The following POU3F3 variants were observed in gnomAD, a reference collection of about 807,000 sequenced individuals.
The protein encoded by POU3F3 is POU class 3 homeobox 3.
POU3F3 carries 1 observed loss-of-function variant against 8.6 expected under a neutral mutation model. The observed-to-expected ratio is 0.12, with a 90% CI of 0.04 to 0.55. The LOEUF is 0.55. Ranked by LOEUF, POU3F3 falls within the 20% of genes least tolerant of loss-of-function variation. POU3F3 has a pLI of 0.91. For missense variants in POU3F3, 577 were observed against 690.7 expected, an observed-to-expected ratio of 0.84 and a Z score of 1.84; for synonymous variants, 418 against 327.4, an observed-to-expected ratio of 1.28 and a Z score of -2.99.
At chr2:104,888,757 T>C in the POU3F3 span, among the ~76,000 whole-genome samples, 33 of 152,200 alleles carry the variant, frequency 2.2e-4, no homozygotes, top group African/African-American at 7.5e-4. Context: ...AGTAACCAAT[T>C]TGGGGTTTGT....
Position 104,855,583 on chromosome 2 carries a change from G to A in POU3F3, c.73G>A (p.Asp25Asn). The change falls in exon 1 of 1, where the codon GAC (aspartate) becomes AAC (asparagine). Residue 25 changes from aspartate (D) to asparagine (N), a missense_variant. This residue lies in a region of POU3F3 where 484 missense variants were observed against 422.6 expected (regional missense o/e 1.15). Coordinates refer to ENST00000361360, the MANE Select transcript of POU3F3 (RefSeq NM_006236.3). ...LLAAGSIVHS[D>N]AAGAGGGGGG... The stretch of plus-strand genomic sequence containing the variant: ...CGCGGCCGGCTCTATTGTGCACTCG[G>A]ACGCGGCAGGGGCTGGCGGCGGCGG... 1 of 1,003,906 alleles carries A rather than the reference G, an allele frequency of 1.0e-6. No homozygotes were observed. Among genetic ancestry groups the A allele is most frequent in the Non-Finnish European group, 1.2e-6 (1 of 843,234 alleles). The allele number at this position is 1,003,906 out of a possible 1,614,324, so 62.2% of individuals were successfully genotyped here. A position where few individuals can be genotyped will look rare whatever the true frequency, so the allele number is the denominator to read the frequency against.
At chr2:104,860,160 CAA>C (rs1490809972), downstream of POU3F3, among the ~76,000 whole-genome samples, 1 of 152,180 alleles carries the variant, frequency 6.6e-6, no homozygotes, top group African/African-American at 2.4e-5. Context: ...TATTAAAAAG[CAA>C]ACTTTGCTGA....
chr2:104,923,033 C>T, the POU3F3 span, among the ~76,000 whole-genome samples: 348 of 152,236 alleles, frequency 2.3e-3, 2 homozygotes, highest in Middle Eastern at 3.4e-3. Context: ...AGCAAGAATC[C>T]TATATCTAGC....
chr2:104,903,709 G>A, the POU3F3 span, among the ~76,000 whole-genome samples: 1 of 152,208 alleles, frequency 6.6e-6, no homozygotes, highest in African/African-American at 2.4e-5. Flanking sequence ...TCAGGCAGTG[G>A]CAGGACAAGG....
In POU3F3 at chr2:104,855,846, C is replaced by T. The variant is rs1676551449; in HGVS notation, c.336C>T (p.Ala112=). 1.8e-6 allele frequency: 2 copies of T among 1,093,964 alleles called. No individual in the cohort carries two copies. The highest frequency in any genetic ancestry group is 3.8e-4 in the Middle Eastern group (1 of 2,642). The allele number at this position is 1,093,964 out of a possible 1,614,324, so 67.8% of individuals were successfully genotyped here. ...CCGCCGCCGCCGCCGCCGCTGCCGC[C>T]GCCGCCGCCGTGGAGGCGAGCTCGC... ...PHAAAAAAAA[A]AAAVEASSPW... The change falls in exon 1 of 1, where the codon GCC becomes GCT. Residue 112 remains alanine, a synonymous_variant. Transcript: ENST00000361360.
the POU3F3 span, among the ~76,000 whole-genome samples, chr2:104,903,364 T>G: frequency 3.3e-5 from 5 of 152,242 alleles, no homozygotes; most frequent in Non-Finnish European, 7.3e-5. Context: ...CATGCACCGG[T>G]GCTATATGCC....
the POU3F3 span, among the ~76,000 whole-genome samples, chr2:104,913,441 C>A: frequency 1.3e-5 from 2 of 152,124 alleles, no homozygotes; most frequent in Non-Finnish European, 2.9e-5. Context: ...GAGGCTTGGG[C>A]ACTGACTAAG....
chr2:104,900,826 C>T, the POU3F3 span, among the ~76,000 whole-genome samples: 6 of 152,162 alleles, frequency 3.9e-5, no homozygotes, highest in Admixed American at 6.5e-5. Context: ...GGCACACCCT[C>T]GGCTCACTAC....
chr2:104,910,996 T>A, the POU3F3 span, among the ~76,000 whole-genome samples: 2 of 152,142 alleles, frequency 1.3e-5, no homozygotes, highest in South Asian at 2.1e-4. Context: ...TATGGGAGGA[T>A]GTAAGTAGGT....
chr2:104,881,779 A>G, the POU3F3 span, among the ~76,000 whole-genome samples: 1 of 152,228 alleles, frequency 6.6e-6, no homozygotes, highest in East Asian at 1.9e-4. Context: ...ACAGGAACGC[A>G]TGTGCTTTCC....
chr2:104,882,914 A>G, the POU3F3 span, among the ~76,000 whole-genome samples: 4 of 152,358 alleles, frequency 2.6e-5, no homozygotes, highest in East Asian at 7.7e-4. Context: ...TATTAGGATT[A>G]GAATTGAATA....
At chr2:104,872,073 GAC>G in the POU3F3 span, among the ~76,000 whole-genome samples, 204 of 149,944 alleles carry the variant, frequency 1.4e-3, 1 homozygote, top group Non-Finnish European at 2.3e-3. The surrounding 1 kb of genome is among the most constrained non-coding windows in gnomAD (Gnocchi z 4.6). Context: ...CACACACACA[GAC>G]ACACACACAC....
At chr2:104,922,427 T>C in the POU3F3 span, among the ~76,000 whole-genome samples, 31 of 142,620 alleles carry the variant, frequency 2.2e-4, no homozygotes, top group Admixed American at 1.0e-3. Context: ...GGAAATCATG[T>C]AAAAAGTCAA....
chr2:104,891,693 C>T, the POU3F3 span, among the ~76,000 whole-genome samples: 1 of 152,086 alleles, frequency 6.6e-6, no homozygotes, highest in South Asian at 2.1e-4. Flanking sequence ...CACTTCTCTT[C>T]CATCACGGAA....
chr2:104,866,632 G>C, the POU3F3 span: 1 of 152,214 alleles, frequency 6.6e-6, no homozygotes, highest in African/African-American at 2.4e-5. Context: ...GTGGGGAGAA[G>C]TGCACTCACT....
chr2:104,865,222 T>C, the POU3F3 span, among the ~76,000 whole-genome samples: 2 of 152,180 alleles, frequency 1.3e-5, no homozygotes, highest in Admixed American at 6.5e-5. Context: ...CCTTTCCCTA[T>C]AAGTTGATAG....
At chr2:104,863,159 AATTATTATTATTATTATTATTATTATT>A (rs3056838), downstream of POU3F3, among the ~76,000 whole-genome samples, 14 of 134,844 alleles carry the variant, frequency 1.0e-4, no homozygotes, top group Non-Finnish European at 1.6e-4. Context: ...TCATAATAAC[AATTATTATTATTATTATTATTATTATT>A]ATTATTATTA....
chr2:104,892,567 G>A, the POU3F3 span, among the ~76,000 whole-genome samples: 1 of 151,846 alleles, frequency 6.6e-6, no homozygotes, highest in Non-Finnish European at 1.5e-5. Flanking sequence ...CCAGACTCAA[G>A]CAATCCTCCT....
chr2:104,881,105 T>TATTTCTTA, the POU3F3 span, among the ~76,000 whole-genome samples: 1 of 149,760 alleles, frequency 6.7e-6, no homozygotes, highest in African/African-American at 2.5e-5. Flanking sequence ...ATTTTCTCTT[T>TATTTCTTA]CTTTCTTTAT....
Sources: allele counts gnomAD v4.1 joint callset (sites outside exome capture counted in the v4.1 genomes callset), GRCh38; gene constraint gnomAD v4.1.1; regional missense constraint gnomAD v4.1.1; non-coding constraint Gnocchi (gnomAD v3.1); transcripts MANE v1.5; gene names NCBI Gene and HGNC (gene_info 2026-07-23, HGNC 2026-07-21).